Variants in ELAPOR2 observed in about 807,000 individuals in gnomAD.
ELAPOR2 encodes endosome/lysosome-associated apoptosis and autophagy regulator family member 2.
A neutral mutation model predicts 120.7 loss-of-function variants in ELAPOR2; 89 were observed. The ratio of observed to expected loss-of-function variants is 0.74; its 90% CI spans 0.62 to 0.88. The LOEUF (loss-of-function observed/expected upper bound fraction) is 0.88. ELAPOR2 is among the 40% of genes least tolerant of loss of function. The pLI, the probability that ELAPOR2 is intolerant of heterozygous loss-of-function variation, is 0.00. For missense variants in ELAPOR2, 1,134 were observed against 1,251.6 expected, an observed-to-expected ratio of 0.91 and a Z score of 1.42; for synonymous variants, 444 against 444.9, an observed-to-expected ratio of 1.00 and a Z score of 0.03.
chr7:87,020,226 C>T (rs920004893), intron 1 of ELAPOR2, among the ~76,000 whole-genome samples: 1 of 152,080 alleles, frequency 6.6e-6, no homozygotes, highest in Non-Finnish European at 1.5e-5. Flanking sequence ...CACAGCAAAA[C>T]ATAAATTTGA....
intron 1 of ELAPOR2, among the ~76,000 whole-genome samples, chr7:86,997,957 T>C (rs1005219847): frequency 6.6e-6 from 1 of 152,136 alleles, no homozygotes; most frequent in Admixed American, 6.6e-5. Context: ...AGAAGCAAAT[T>C]AGAGGGTAGC....
chr7:87,052,776 C>CTTTTGTTTTGTTTTG (rs77194595), intron 1 of ELAPOR2, among the ~76,000 whole-genome samples: 8,580 of 147,020 alleles, frequency 0.058, 311 homozygotes, highest in Non-Finnish European at 0.084. Flanking sequence ...GGTTTGTTTT[C>CTTTTGTTTTGTTTTG]TTTTGTTTTG....
intron 1 of ELAPOR2, among the ~76,000 whole-genome samples, chr7:87,057,844 G>C (rs1292648375): frequency 6.6e-6 from 1 of 152,210 alleles, no homozygotes; most frequent in East Asian, 1.9e-4. Flanking sequence ...AGAAGCTTAA[G>C]ACTTTTCAGT....
intron 1 of ELAPOR2, among the ~76,000 whole-genome samples, chr7:86,974,995 C>T (rs1351133165): frequency 6.6e-6 from 1 of 152,060 alleles, no homozygotes; most frequent in African/African-American, 2.4e-5. Flanking sequence ...GAAAATCTAA[C>T]GCTTAAGTAC....
chr7:87,014,027 C>CTTTTTTTTTTT (rs35583728), intron 1 of ELAPOR2, among the ~76,000 whole-genome samples: 11 of 122,424 alleles, frequency 9.0e-5, no homozygotes, highest in Non-Finnish European at 1.2e-4. Flanking sequence ...ATGTTTTTCA[C>CTTTTTTTTTTT]TTTTTTTTTT....
chr7:86,910,656 T>C lies in ELAPOR2; in HGVS notation c.2170-655A>G, dbSNP rs571371829. Reference sequence around the variant, plus strand: ...GAAAATAATTGGAAGATATAACTTATAAAAAATGGAAAAATTGTTTAAATA... The same window carrying C: ...GAAAATAATTGGAAGATATAACTTACAAAAAATGGAAAAATTGTTTAAATA... On this transcript the variant is annotated intron_variant, in intron 15 of 21. Transcript: ENST00000450689. Among the ~76,000 whole-genome samples, 3 of 152,210 alleles carry C rather than the reference T, an allele frequency of 2.0e-5. No individual in the cohort carries two copies. In the South Asian group the frequency reaches 6.2e-4, roughly 32 times the overall value.
At chr7:86,907,608 G>A (rs1789082893) in intron 18 of ELAPOR2, 62 bp downstream of exon 18, 4 of 989,214 alleles carry the variant, frequency 4.0e-6, no homozygotes, top group Non-Finnish European at 6.0e-6. Flanking sequence ...TTTTAAAATA[G>A]TAACATTCTG....
chr7:86,967,806 C>CT (rs2116495800), intron 1 of ELAPOR2, among the ~76,000 whole-genome samples: 1 of 152,294 alleles, frequency 6.6e-6, no homozygotes, highest in East Asian at 1.9e-4. Context: ...CTCAAGGACT[C>CT]TAATTAGAAA....
Position 86,926,852 on chromosome 7 carries a change from C to G in ELAPOR2, c.1154G>C (p.Arg385Thr). Residue 385 changes from arginine to threonine, a missense_variant, in exon 9 of 22, where the codon AGA becomes ACA. Coordinates refer to ENST00000450689, the MANE Select transcript of ELAPOR2 (RefSeq NM_001142749.3). ...ICREDLTDAIRLPPSGEKKDC... is the reference protein window; with the variant it reads ...ICREDLTDAITLPPSGEKKDC... ...CTTCTTCTCTCCAGAAGGGGGCAAT[C>G]TAATAGCATCTGTGAGATCCTCCCG... 1 of 1,562,248 alleles carries G rather than the reference C, an allele frequency of 6.4e-7. No individual in the cohort carries two copies. The highest frequency in any genetic ancestry group is 1.1e-5 in the South Asian group (1 of 89,812).
At chr7:86,927,098 T>C (rs550617924) in intron 8 of ELAPOR2, among the ~76,000 whole-genome samples, 182 bp from the exon 9 acceptor site, 2 of 152,012 alleles carry the variant, frequency 1.3e-5, no homozygotes, top group South Asian at 4.2e-4. Flanking sequence ...AAATGACTGT[T>C]ACTTCCAAAT....
At chr7:86,922,678 T>C (rs1414395956) in intron 10 of ELAPOR2, among the ~76,000 whole-genome samples, 1 of 151,982 alleles carries the variant, frequency 6.6e-6, no homozygotes, top group East Asian at 1.9e-4. Flanking sequence ...ATAATTTGCA[T>C]AATTCACCAA....
At chr7:86,890,058 C>T (rs1788066164) in intron 21 of ELAPOR2, among the ~76,000 whole-genome samples, 2 of 151,802 alleles carry the variant, frequency 1.3e-5, no homozygotes, top group South Asian at 4.2e-4. Flanking sequence ...TTGATCCCAG[C>T]TTCAGTCAGT....
chr7:86,889,906 T>C (rs1788055117), intron 21 of ELAPOR2, among the ~76,000 whole-genome samples: 1 of 152,000 alleles, frequency 6.6e-6, no homozygotes, highest in Non-Finnish European at 1.5e-5. Context: ...ATAGCATTTG[T>C]TCAGCTAGTT....
At chr7:87,034,378 T>G (rs1424619684) in intron 1 of ELAPOR2, among the ~76,000 whole-genome samples, 1 of 152,136 alleles carries the variant, frequency 6.6e-6, no homozygotes, top group Non-Finnish European at 1.5e-5. Context: ...TACTAAGATG[T>G]TAAAAGTGGC....
chr7:86,883,023 G>C lies in ELAPOR2; in HGVS notation c.3031-2493C>G, dbSNP rs1027437489. ...ACATACTGGATGATCGTTTGAAAGGGGTGTGTGTGTGTGTGTGTGTGTGTG... is the reference window on the plus strand; with the variant it reads ...ACATACTGGATGATCGTTTGAAAGGCGTGTGTGTGTGTGTGTGTGTGTGTG... On this transcript the variant is annotated intron_variant, in intron 21 of 21. Coordinates refer to ENST00000450689, the MANE Select transcript of ELAPOR2 (RefSeq NM_001142749.3). Among the ~76,000 whole-genome samples, 7 of 141,452 alleles carry C rather than the reference G, an allele frequency of 4.9e-5. No homozygotes were observed. In the Admixed American group the frequency reaches 5.0e-4, roughly 10 times the overall value. 92.8% of individuals were successfully genotyped at this position (141,452 alleles called of 152,430 possible). A position where few individuals can be genotyped will look rare whatever the true frequency, so the allele number is the denominator to read the frequency against.
At chr7:86,946,124 G>T (rs900636829) in intron 3 of ELAPOR2, among the ~76,000 whole-genome samples, 1 of 148,744 alleles carries the variant, frequency 6.7e-6, no homozygotes, top group African/African-American at 2.5e-5. Flanking sequence ...TTATCCAGCA[G>T]GGAAATGCAA....
chr7:86,996,440 G>A (rs566634019), intron 1 of ELAPOR2, among the ~76,000 whole-genome samples: 3 of 152,320 alleles, frequency 2.0e-5, no homozygotes, highest in South Asian at 4.1e-4. Context: ...ATGGATATTT[G>A]AGGAACAAAA....
At chr7:87,016,271 T>C (rs1204411986) in intron 1 of ELAPOR2, among the ~76,000 whole-genome samples, 1 of 152,188 alleles carries the variant, frequency 6.6e-6, no homozygotes, top group Non-Finnish European at 1.5e-5. Flanking sequence ...TGATAAAATA[T>C]AAAGCTCTAG....
intron 5 of ELAPOR2, 72 bp from the exon 6 acceptor site, chr7:86,940,187 C>T (rs1790745815): frequency 3.5e-6 from 3 of 846,210 alleles, no homozygotes; most frequent in Non-Finnish European, 5.8e-6. Context: ...CCCTTACATA[C>T]TTTTTCAATC....
Sources: allele counts gnomAD v4.1 joint callset (sites outside exome capture counted in the v4.1 genomes callset), GRCh38; gene constraint gnomAD v4.1.1; transcripts MANE v1.5; gene names NCBI Gene and HGNC (gene_info 2026-07-23, HGNC 2026-07-21).